SCUBE1: variants seen among roughly 807,000 people sequenced by gnomAD.
SCUBE1 encodes signal peptide, CUB domain and EGF like domain containing 1, also known as signal peptide, CUB and EGF-like domain-containing protein 1.
Under a neutral mutation model 124.4 loss-of-function variants are expected in SCUBE1, and 59 were observed. That is an observed-to-expected ratio of 0.47 (90% CI 0.38 to 0.59). The LOEUF (loss-of-function observed/expected upper bound fraction) is 0.59. SCUBE1 is among the 20% of genes least tolerant of loss of function. The pLI is 0.00. For missense variants in SCUBE1, 1,150 were observed against 1,371.2 expected, an observed-to-expected ratio of 0.84 and a Z score of 2.55; for synonymous variants, 545 against 550.9, an observed-to-expected ratio of 0.99 and a Z score of 0.15.
intron 8 of SCUBE1, 121 bp from the exon 9 acceptor site, chr22:43,229,309 G>A (rs563946309): frequency 4.0e-5 from 29 of 731,252 alleles, no homozygotes; most frequent in Admixed American, 1.5e-4. Flanking sequence ...GGGCGCAGGC[G>A]CAGCACAGCA....
In SCUBE1 at chr22:43,210,271, A is replaced by G; in HGVS notation, c.2384-31T>C. ...GGCACAGTGGCCCGAGGGCCTCATC[A>G]GGCTCTGCTGGGCAGGGGCCCTGGC... On this transcript the variant is annotated intron_variant, in intron 18 of 21. Transcript: ENST00000360835. The surrounding 1 kb of genome is among the most constrained non-coding windows in gnomAD (Gnocchi z 4.5). The G allele has an allele frequency of 4.0e-6, 6 of 1,487,904 alleles. No individual in the cohort carries two copies. The highest frequency in any genetic ancestry group is 4.5e-6 in the Non-Finnish European group (5 of 1,121,912). 92.2% of individuals were successfully genotyped at this position (1,487,904 alleles called of 1,614,324 possible). A position where few individuals can be genotyped will look rare whatever the true frequency, so the allele number is the denominator to read the frequency against.
At position 43,210,130 on chromosome 22, in the gene SCUBE1, G is replaced by A; in HGVS notation, c.2494C>T (p.Pro832Ser). 6.2e-7 allele frequency: 1 copy of A among 1,612,806 alleles called. No individual in the cohort carries two copies. The highest frequency in any genetic ancestry group is 8.5e-7 in the Non-Finnish European group (1 of 1,179,556). Residue 832 changes from proline (P) to serine (S), a missense_variant, in exon 19 of 22, where the codon CCA becomes TCA. By Grantham distance (74) the Pro-to-Ser change is moderately conservative (BLOSUM62 -1). This residue lies in a region of SCUBE1 where 757 missense variants were observed against 840.9 expected (regional missense o/e 0.90). Transcript: ENST00000360835. The surrounding 1 kb of genome is among the most constrained non-coding windows in gnomAD (Gnocchi z 4.5). The stretch of plus-strand genomic sequence containing the variant: ...ACCACGATGAGGATCCTGCGCTTTG[G>A]GGGAGGCGCGATGTGCCAGACGCAT... ...AECVWHIAPP[P>S]KRRILIVVPE...
intron 6 of SCUBE1, among the ~76,000 whole-genome samples, chr22:43,250,684 G>T (rs2146698487): frequency 1.3e-5 from 2 of 152,292 alleles, no homozygotes; most frequent in South Asian, 4.1e-4. Flanking sequence ...TGGCTGTGAG[G>T]TTGAGGTAAA....
rs551414848 is a variant in SCUBE1, at chr22:43,200,396, G to C, written c.*3601C>G. The C allele has an allele frequency of 1.3e-5, 2 of 152,452 alleles. No individual in the cohort carries two copies. Among genetic ancestry groups the C allele is most frequent in the South Asian group, 4.1e-4 (2 of 4,826 alleles). The allele number at this position is 152,452 out of a possible 1,614,324, so 9.4% of individuals were successfully genotyped here. ...GCCCCCAGCTTCCATTTTTTCTTGG[G>C]CCTCGTTACGTGGATCCGTCCTACC... On this transcript the variant is annotated 3_prime_UTR_variant, in exon 22 of 22. Transcript: ENST00000360835.
chr22:43,280,103 C>T (rs572723286), intron 4 of SCUBE1, among the ~76,000 whole-genome samples: 11 of 152,200 alleles, frequency 7.2e-5, no homozygotes, highest in African/African-American at 1.7e-4. Context: ...AAGGCTTTCC[C>T]GGACCGCATG....
chr22:43,320,209 A>C, intron 2 of SCUBE1, 144 bp from the exon 3 acceptor site: 9 of 978,574 alleles, frequency 9.2e-6, no homozygotes, highest in Non-Finnish European at 1.2e-5. Flanking sequence ...CTGAGGACTC[A>C]AGTATTATAA....
At chr22:43,273,793 G>A (rs5759247) in intron 4 of SCUBE1, among the ~76,000 whole-genome samples, 117,187 of 151,508 alleles carry the variant, frequency 0.77, 47,918 homozygotes, top group Non-Finnish European at 0.91. Context: ...GGCTGGTTTC[G>A]AACTCCTGGG....
At chr22:43,253,165 C>T (rs1923523659) in intron 6 of SCUBE1, among the ~76,000 whole-genome samples, 1 of 152,172 alleles carries the variant, frequency 6.6e-6, no homozygotes, top group South Asian at 2.1e-4. Context: ...CATACCTTGC[C>T]TCTATTAATA....
intron 4 of SCUBE1, among the ~76,000 whole-genome samples, chr22:43,265,382 T>G (rs1225069902): frequency 6.6e-6 from 1 of 152,174 alleles, no homozygotes; most frequent in Non-Finnish European, 1.5e-5. Context: ...ATCGCAGAGC[T>G]GGGAAGGGTG....
intron 4 of SCUBE1, chr22:43,270,625 T>G (rs753597855): frequency 2.6e-5 from 4 of 152,318 alleles, no homozygotes; most frequent in African/African-American, 9.6e-5. Flanking sequence ...AACATCGCCC[T>G]GCAGGGCAAG....
intron 21 of SCUBE1, among the ~76,000 whole-genome samples, chr22:43,205,742 CCA>C: frequency 2.1e-5 from 2 of 93,406 alleles, no homozygotes; most frequent in Non-Finnish European, 2.1e-5. Flanking sequence ...CACCACACGC[CCA>C]CTCACCACTC....
At chr22:43,265,588 C>G (rs971739681) in intron 4 of SCUBE1, among the ~76,000 whole-genome samples, 2 of 152,246 alleles carry the variant, frequency 1.3e-5, no homozygotes, top group African/African-American at 4.8e-5. Flanking sequence ...GCATCCCCAG[C>G]ACGGGAGCCC....
chr22:43,226,431 G>GC (rs950117711), intron 10 of SCUBE1, among the ~76,000 whole-genome samples: 1 of 152,084 alleles, frequency 6.6e-6, no homozygotes, highest in Non-Finnish European at 1.5e-5. Context: ...TGGTGTGGGG[G>GC]GGCCCTCCAG....
chr22:43,253,047 A>G (rs372755480), intron 6 of SCUBE1, among the ~76,000 whole-genome samples: 4 of 148,132 alleles, frequency 2.7e-5, no homozygotes, highest in African/African-American at 7.8e-5. Flanking sequence ...CTCTATTAAT[A>G]CAATGTGGGG....
intron 4 of SCUBE1, among the ~76,000 whole-genome samples, chr22:43,271,887 A>AAGTGCC: frequency 6.6e-6 from 1 of 152,244 alleles, no homozygotes; most frequent in South Asian, 2.1e-4. Flanking sequence ...CTCAATGACC[A>AAGTGCC]AGTGCCAGGT....
At chr22:43,272,847 T>C (rs1452231265) in intron 4 of SCUBE1, among the ~76,000 whole-genome samples, 5 of 152,196 alleles carry the variant, frequency 3.3e-5, no homozygotes, top group African/African-American at 1.2e-4. Flanking sequence ...GTGAAGCCTC[T>C]CCATTTCCAC....
intron 1 of SCUBE1, among the ~76,000 whole-genome samples, chr22:43,340,757 T>C (rs1927287098): frequency 6.6e-6 from 1 of 152,130 alleles, no homozygotes; most frequent in Non-Finnish European, 1.5e-5. Flanking sequence ...GCATGAAATG[T>C]AGACATGACA....
chr22:43,220,974 C>T (rs1353798337), intron 13 of SCUBE1, among the ~76,000 whole-genome samples, 199 bp downstream of exon 13: 1 of 152,192 alleles, frequency 6.6e-6, no homozygotes, highest in Non-Finnish European at 1.5e-5. Flanking sequence ...CTCCGGGGCC[C>T]CTCGTACCAA....
intron 4 of SCUBE1, among the ~76,000 whole-genome samples, chr22:43,267,999 T>C (rs1924140591): frequency 6.6e-6 from 1 of 152,202 alleles, no homozygotes; most frequent in Non-Finnish European, 1.5e-5. Flanking sequence ...GAAAGGACTC[T>C]GTGGGTCTGT....
Sources: gnomAD v4.1 joint callset for allele counts (sites outside exome capture counted in the v4.1 genomes callset) on GRCh38, gnomAD v4.1.1 for gene constraint, gnomAD v4.1.1 regional missense constraint, Gnocchi (gnomAD v3.1) non-coding constraint, MANE v1.5 for transcripts, NCBI Gene and HGNC (gene_info 2026-07-23, HGNC 2026-07-21) for gene names.